Variants in ACYP2 observed in about 807,000 individuals in gnomAD.
ACYP2 encodes acylphosphatase-2.
Under a neutral mutation model 11.2 loss-of-function variants are expected in ACYP2, and 12 were observed. That is an observed-to-expected ratio of 1.08 (90% CI 0.69 to 1.74). The LOEUF (loss-of-function observed/expected upper bound fraction) is 1.74, where lower values mean the gene tolerates loss of function less well. ACYP2 is among the 40% of genes most tolerant of loss of function. ACYP2 has a pLI of 0.00. For synonymous variants in ACYP2, 43 were observed against 32.2 expected (o/e 1.33, Z -1.13); for missense variants, 134 against 101.9 (o/e 1.31, Z -1.35).
intron 6 of ACYP2, among the ~76,000 whole-genome samples, chr2:54,196,620 T>C (rs761512111): frequency 6.6e-6 from 1 of 152,236 alleles, no homozygotes; most frequent in Non-Finnish European, 1.5e-5. Context: ...CTATTGGCAT[T>C]TGGGGCTGGA....
intron 6 of ACYP2, among the ~76,000 whole-genome samples, chr2:54,180,425 G>A (rs111665158): frequency 2.5e-4 from 38 of 152,148 alleles, no homozygotes; most frequent in African/African-American, 8.7e-4. Context: ...CCTCCATCCT[G>A]AAGCTACCAC....
chr2:54,006,264 C>T (rs765931509), intron 2 of ACYP2, among the ~76,000 whole-genome samples: 25 of 152,066 alleles, frequency 1.6e-4, no homozygotes, highest in South Asian at 2.1e-4. Context: ...TCTCCTGCCT[C>T]GGCCCCCCAA....
chr2:53,996,806 C>A (rs1345015941), intron 2 of ACYP2, among the ~76,000 whole-genome samples: 1 of 152,210 alleles, frequency 6.6e-6, no homozygotes, highest in African/African-American at 2.4e-5. Context: ...GACTGTTGCA[C>A]TGTCTCCTAA....
intron 6 of ACYP2, among the ~76,000 whole-genome samples, chr2:54,197,699 C>G (rs545835996): frequency 6.6e-6 from 1 of 152,130 alleles, no homozygotes; most frequent in East Asian, 1.9e-4. Flanking sequence ...GGCCCCGAGG[C>G]AGGAACACAT....
At chr2:54,013,636 GC>G (rs1425081175) in intron 2 of ACYP2, among the ~76,000 whole-genome samples, 1 of 151,340 alleles carries the variant, frequency 6.6e-6, no homozygotes, top group African/African-American at 2.4e-5. Context: ...ATTATTTATT[GC>G]CTGCACTTCT....
chr2:53,996,230 C>T (rs1050009721), intron 2 of ACYP2, among the ~76,000 whole-genome samples: 1 of 152,070 alleles, frequency 6.6e-6, no homozygotes, highest in South Asian at 2.1e-4. Flanking sequence ...ATACATCCAG[C>T]TTTTCTATTT....
intron 6 of ACYP2, among the ~76,000 whole-genome samples, chr2:54,296,056 G>C (rs977744745): frequency 6.6e-6 from 1 of 152,186 alleles, no homozygotes; most frequent in African/African-American, 2.4e-5. Flanking sequence ...ACAGCACCCA[G>C]CCTGATCCTG....
intron 6 of ACYP2, among the ~76,000 whole-genome samples, chr2:54,232,262 A>C (rs948140720): frequency 6.6e-6 from 1 of 152,070 alleles, no homozygotes; most frequent in African/African-American, 2.4e-5. Context: ...CTGACATGAC[A>C]TCTTTGTACT....
intron 2 of ACYP2, among the ~76,000 whole-genome samples, chr2:54,050,366 T>A (rs774892100): frequency 2.0e-5 from 3 of 151,650 alleles, no homozygotes; most frequent in Non-Finnish European, 4.4e-5. Context: ...TAAGCACACA[T>A]AGGGAGACTC....
chr2:53,989,053 T>G (rs762576970), intron 2 of ACYP2, among the ~76,000 whole-genome samples: 4 of 150,500 alleles, frequency 2.7e-5, no homozygotes, highest in Non-Finnish European at 4.4e-5. Context: ...CGGCCTGTAA[T>G]TCAGTTTTAA....
At chr2:54,046,289 G>A (rs1474576263) in intron 2 of ACYP2, among the ~76,000 whole-genome samples, 1 of 151,336 alleles carries the variant, frequency 6.6e-6, no homozygotes, top group Non-Finnish European at 1.5e-5. Flanking sequence ...GACCAGCCTG[G>A]CCAACATGGT....
intron 6 of ACYP2, among the ~76,000 whole-genome samples, chr2:54,260,975 A>G (rs1248153081): frequency 6.6e-6 from 1 of 152,174 alleles, no homozygotes; most frequent in Non-Finnish European, 1.5e-5. Flanking sequence ...TCAAAGCTGG[A>G]TATGTATTCT....
intron 4 of ACYP2, among the ~76,000 whole-genome samples, chr2:54,075,131 A>G (rs1264826818): frequency 1.3e-5 from 2 of 152,210 alleles, no homozygotes; most frequent in African/African-American, 4.8e-5. Context: ...ATTCACAATA[A>G]AAGTTCAACG....
intron 2 of ACYP2, among the ~76,000 whole-genome samples, chr2:54,045,869 A>G (rs1001344480): frequency 6.7e-6 from 1 of 149,526 alleles, no homozygotes; most frequent in Admixed American, 6.7e-5. Flanking sequence ...TGAAATCTCA[A>G]CAAGCAAAAG....
intron 4 of ACYP2, among the ~76,000 whole-genome samples, chr2:54,060,001 T>A (rs1271057665): frequency 6.6e-6 from 1 of 152,206 alleles, no homozygotes; most frequent in Non-Finnish European, 1.5e-5. Flanking sequence ...TTTTTCTTAG[T>A]TTCCTGAAAT....
chr2:54,300,771 C>A (rs954727616), intron 6 of ACYP2, among the ~76,000 whole-genome samples: 49 of 152,272 alleles, frequency 3.2e-4, no homozygotes, highest in African/African-American at 1.1e-3. Context: ...TAGGTAGTAC[C>A]AAGTTGCCCT....
intron 6 of ACYP2, among the ~76,000 whole-genome samples, chr2:54,182,129 A>G (rs141042027): frequency 2.6e-3 from 355 of 134,974 alleles, no homozygotes; most frequent in African/African-American, 9.4e-3. Context: ...GCACAATCTC[A>G]GCTCACTGTA....
chr2:54,069,535 G>A lies in ACYP2; in HGVS notation c.277+12175G>A, dbSNP rs62140994. Among the ~76,000 whole-genome samples, 905 of 152,196 alleles carry A rather than the reference G, an allele frequency of 5.9e-3. 3 individuals carry two copies. Among genetic ancestry groups the A allele is most frequent in the Middle Eastern group, 0.01 (3 of 294 alleles). The stretch of plus-strand genomic sequence containing the variant: ...AAATTAGCCGGGCGTGGTGGCGGGC[G>A]CCTGTAGTCCTAGCTACTCGGGAGG... On this transcript the variant is annotated intron_variant, in intron 4 of 6. Transcript: ENST00000607452.
At chr2:53,988,093 G>A (rs537011222) in intron 2 of ACYP2, among the ~76,000 whole-genome samples, 9 of 152,120 alleles carry the variant, frequency 5.9e-5, no homozygotes, top group Non-Finnish European at 8.8e-5. Context: ...GGTTGGGCAT[G>A]GTGTTGCGCA....
Sources: allele counts gnomAD v4.1 joint callset (sites outside exome capture counted in the v4.1 genomes callset), GRCh38; gene constraint gnomAD v4.1.1; transcripts MANE v1.5; gene names NCBI Gene and HGNC (gene_info 2026-07-23, HGNC 2026-07-21).